Variants in EGFR observed in about 807,000 individuals in gnomAD.
EGFR encodes avian erythroblastic leukemia viral (v-erb-b) oncogene homolog.
EGFR carries 58 observed loss-of-function variants against 143.0 expected under a neutral mutation model. That is an observed-to-expected ratio of 0.41 (90% CI 0.33 to 0.50). The LOEUF (loss-of-function observed/expected upper bound fraction) is 0.50. Among genes scored for constraint, EGFR ranks in the 20% least tolerant of loss-of-function variants. The probability of loss-of-function intolerance (pLI) is 0.39; values close to 1 mark genes in which losing one functional copy is unlikely to be tolerated. For missense variants in EGFR, 1,307 were observed against 1,579.0 expected, an observed-to-expected ratio of 0.83 and a Z score of 2.92; for synonymous variants, 613 against 594.4, an observed-to-expected ratio of 1.03 and a Z score of -0.45.
intron 1 of EGFR, among the ~76,000 whole-genome samples, chr7:55,122,368 A>C (rs964133902): frequency 6.6e-6 from 1 of 152,184 alleles, no homozygotes; most frequent in Non-Finnish European, 1.5e-5. Context: ...CCCAACCTGC[A>C]AAGTCCATGC....
chr7:55,204,450 TAC>T (rs1182553020), intron 27 of EGFR, among the ~76,000 whole-genome samples: 1 of 137,612 alleles, frequency 7.3e-6, no homozygotes, highest in Non-Finnish European at 1.6e-5. Context: ...ACACCACATA[TAC>T]ACACAACACA....
rs1338411173 is a variant in EGFR at position 55,161,391 on chromosome 7, C to A, written c.1499-108C>A. On this transcript the variant is annotated intron_variant, in intron 12 of 27. Coordinates refer to ENST00000275493, the MANE Select transcript of EGFR (RefSeq NM_005228.5). ...TCAGGGGTAGCCAGCATGTCTGTGT[C>A]ACCCAAGGTCATGGAGCACAGGGCC... is the stretch of plus-strand genomic sequence containing the variant. 4 of 1,431,334 alleles carry A rather than the reference C, an allele frequency of 2.8e-6. No homozygotes were observed. In the African/African-American group the frequency reaches 4.3e-5, roughly 15 times the overall value. The allele number at this position is 1,431,334 out of a possible 1,614,324, so 88.7% of individuals were successfully genotyped here.
intron 14 of EGFR, among the ~76,000 whole-genome samples, chr7:55,164,547 A>C (rs1399401378): frequency 1.3e-5 from 2 of 152,222 alleles, no homozygotes; most frequent in Non-Finnish European, 2.9e-5. Flanking sequence ...TGTTGGGTTA[A>C]ATTTCTGTCA....
chr7:55,170,632 C>A (rs1393539102), intron 15 of EGFR: 1 of 1,601,280 alleles, frequency 6.2e-7, no homozygotes, highest in African/African-American at 1.3e-5. Flanking sequence ...AGTATCCTAC[C>A]CATTTCCTTC....
chr7:55,118,439 A>T (rs1793002450), intron 1 of EGFR, among the ~76,000 whole-genome samples: 1 of 152,220 alleles, frequency 6.6e-6, no homozygotes, highest in Non-Finnish European at 1.5e-5. Context: ...ACCTGAAGGC[A>T]CCATCCCAAA....
rs139941942 is a variant in EGFR at position 55,078,551 on chromosome 7, C to T, written c.88+59186C>T. 3.0e-3 allele frequency among the ~76,000 whole-genome samples: 463 copies of T among 152,342 alleles called. 2 individuals carry two copies. Among genetic ancestry groups the T allele is most frequent in the African/African-American group, 0.011 (448 of 41,586 alleles). ...GTGGGGAACTGCTGCCCAGACTGAC[C>T]TGCGTCCTTCCGCACGTGCAGGAAA... On this transcript the variant is annotated intron_variant, in intron 1 of 27. Transcript: ENST00000275493.
intron 1 of EGFR, among the ~76,000 whole-genome samples, chr7:55,090,914 T>C (rs1210236448): frequency 6.6e-6 from 1 of 152,234 alleles, no homozygotes; most frequent in Non-Finnish European, 1.5e-5. Flanking sequence ...TATATTTGGG[T>C]ATTTTATGAT....
At chr7:55,154,549 C>T (rs866258583) in intron 7 of EGFR, among the ~76,000 whole-genome samples, 7 of 152,164 alleles carry the variant, frequency 4.6e-5, no homozygotes, top group African/African-American at 9.7e-5. Flanking sequence ...TTTAATACAC[C>T]GAAATCAGAG....
intron 24 of EGFR, 67 bp downstream of exon 24, chr7:55,200,480 T>C (rs762694340): frequency 4.0e-6 from 6 of 1,482,986 alleles, no homozygotes; most frequent in Non-Finnish European, 5.7e-6. Flanking sequence ...GTCACTGTGT[T>C]CTGTCACATG....
At position 55,206,971 on chromosome 7, in the gene EGFR, A is replaced by G. The variant is rs1788122826; in HGVS notation, c.*1354A>G. 1 of 233,076 alleles carries G rather than the reference A, an allele frequency of 4.3e-6. No homozygotes were observed. Among genetic ancestry groups the G allele is most frequent in the African/African-American group, 2.2e-5 (1 of 45,346 alleles). The allele number at this position is 233,076 out of a possible 1,614,324, so 14.4% of individuals were successfully genotyped here. A position where few individuals can be genotyped will look rare whatever the true frequency, so the allele number is the denominator to read the frequency against. On this transcript the variant is annotated 3_prime_UTR_variant, in exon 28 of 28. Transcript: ENST00000275493. The stretch of plus-strand genomic sequence containing the variant: ...TCACAACATTTGCAGATGTTTTAGA[A>G]GGAAAAAAGTTCCTTCCTAAAATAA...
intron 1 of EGFR, among the ~76,000 whole-genome samples, chr7:55,086,053 C>A (rs1790736872): frequency 6.6e-6 from 1 of 152,120 alleles, no homozygotes; most frequent in African/African-American, 2.4e-5. Flanking sequence ...ATGAGAGCCA[C>A]TGTTTGTGAA....
chr7:55,143,190 AC>A, intron 2 of EGFR, 114 bp from the exon 3 acceptor site: 1 of 1,002,872 alleles, frequency 1.0e-6, no homozygotes, highest in South Asian at 1.3e-5. Flanking sequence ...GTTGTTGAGC[AC>A]TCGTGTGCAT....
At chr7:55,204,803 TACACACACCACATATACACACACGTAC>T (rs935552733) in intron 27 of EGFR, among the ~76,000 whole-genome samples, 1 of 130,410 alleles carries the variant, frequency 7.7e-6, no homozygotes, top group Non-Finnish European at 1.6e-5. Context: ...TACACACGTA[TACACACACCACATATACACACACGTAC>T]ACACACACCA....
intron 1 of EGFR, among the ~76,000 whole-genome samples, chr7:55,139,742 T>A (rs559151494): frequency 2.8e-4 from 42 of 152,330 alleles, no homozygotes; most frequent in African/African-American, 1.0e-3. Context: ...ACATTCTGCA[T>A]AAGGTCTGTT....
intron 1 of EGFR, among the ~76,000 whole-genome samples, chr7:55,023,686 G>C (rs1038437341): frequency 6.8e-6 from 1 of 147,926 alleles, no homozygotes; most frequent in African/African-American, 2.5e-5. Context: ...CTGTTCCTCA[G>C]ATCCATTCCA....
rs182455767 is a variant in EGFR, at chr7:55,210,649, A to G, written c.*5032A>G. The stretch of plus-strand genomic sequence containing the variant: ...AAAGACCTCCACATCTGTCGCTGAG[A>G]GTCAAGAACCTGAACAGAGTTTCCA... On this transcript the variant is annotated 3_prime_UTR_variant, in exon 28 of 28. Transcript: ENST00000275493. The G allele has an allele frequency of 3.5e-4, 53 of 152,356 alleles. No individual in the cohort carries two copies. Among genetic ancestry groups the G allele is most frequent in the Admixed American group, 3.0e-3 (46 of 15,306 alleles). The allele number at this position is 152,356 out of a possible 1,614,324, so 9.4% of individuals were successfully genotyped here. A position where few individuals can be genotyped will look rare whatever the true frequency, so the allele number is the denominator to read the frequency against.
intron 4 of EGFR, among the ~76,000 whole-genome samples, chr7:55,150,042 T>C (rs1794950709): frequency 1.3e-5 from 2 of 152,264 alleles, no homozygotes; most frequent in Admixed American, 1.3e-4. Flanking sequence ...TGTGCCTGCA[T>C]TTCTTTTTTG....
rs2128971679 is a variant in EGFR, at chr7:55,201,295, C to T, written c.3054C>T (p.Ile1018=). 6.2e-7 allele frequency: 1 copy of T among 1,613,994 alleles called. No homozygotes were observed. Among genetic ancestry groups the T allele is most frequent in the Non-Finnish European group, 8.5e-7 (1 of 1,179,980 alleles). ...TGGTGGATGCCGACGAGTACCTCAT[C>T]CCACAGCAGGGCTTCTTCAGCAGCC... The part of the protein sequence containing the change: ...DDVVDADEYL[I]PQQGFFSSPS... The change falls in exon 25 of 28, where the codon ATC becomes ATT. Residue 1018 remains isoleucine (I), a synonymous_variant. Transcript: ENST00000275493.
intron 15 of EGFR, among the ~76,000 whole-genome samples, chr7:55,170,075 A>C (rs1786267866): frequency 2.0e-5 from 3 of 152,132 alleles, no homozygotes; most frequent in African/African-American, 7.2e-5. Context: ...CACCCCTACG[A>C]AGCCTGTGTG....
Sources: allele counts gnomAD v4.1 joint callset (sites outside exome capture counted in the v4.1 genomes callset), GRCh38; gene constraint gnomAD v4.1.1; transcripts MANE v1.5; gene names NCBI Gene and HGNC (gene_info 2026-07-23, HGNC 2026-07-21).